ZFHX3: variants seen among roughly 807,000 people sequenced by gnomAD.
ZFHX3 encodes the protein zinc finger homeobox 3.
Under a neutral mutation model 279.1 loss-of-function variants are expected in ZFHX3, and 42 were observed. The observed-to-expected ratio is 0.15, with a 90% CI of 0.12 to 0.19. The LOEUF is 0.19. ZFHX3 is among the 10% of genes least tolerant of loss of function. The pLI is 1.00. For missense variants in ZFHX3, 4,981 were observed against 4,754.0 expected (o/e 1.05, Z -1.40); for synonymous variants, 2,293 against 1,957.8 (o/e 1.17, Z -4.52).
intron 4 of ZFHX3, among the ~76,000 whole-genome samples, chr16:73,279,220 C>G (rs1027422423): frequency 1.5e-4 from 23 of 152,024 alleles, no homozygotes; most frequent in African/African-American, 5.1e-4. Flanking sequence ...TGGTTTTTCC[C>G]TCCAAGGAGT....
chr16:73,290,512 G>A (rs1301023324), intron 4 of ZFHX3, among the ~76,000 whole-genome samples: 4 of 152,144 alleles, frequency 2.6e-5, no homozygotes, highest in Non-Finnish European at 5.9e-5. Flanking sequence ...AATGTTCCAA[G>A]CCTGAAGCCT....
At chr16:73,110,613 T>A (rs1198450259) in intron 7 of ZFHX3, among the ~76,000 whole-genome samples, 1 of 152,166 alleles carries the variant, frequency 6.6e-6, no homozygotes, top group Non-Finnish European at 1.5e-5. Context: ...CTGTCACCCA[T>A]GCTGAAGTAC....
intron 1 of ZFHX3, among the ~76,000 whole-genome samples, chr16:73,867,927 T>C (rs924109012): frequency 1.3e-5 from 2 of 152,136 alleles, no homozygotes; most frequent in Non-Finnish European, 2.9e-5. Context: ...GAGAACATGG[T>C]GAGTCTTTCA....
intron 7 of ZFHX3, among the ~76,000 whole-genome samples, chr16:73,117,149 T>G (rs1311558399): frequency 6.6e-6 from 1 of 152,230 alleles, no homozygotes; most frequent in East Asian, 1.9e-4. Context: ...TTTGATGGAT[T>G]GTTACTGGCT....
At chr16:73,181,795 C>T (rs894267286) in intron 5 of ZFHX3, among the ~76,000 whole-genome samples, 5 of 152,058 alleles carry the variant, frequency 3.3e-5, no homozygotes, top group South Asian at 2.1e-4. Flanking sequence ...TGTGGTTGGG[C>T]GTTCTGTGAA....
chr16:73,741,971 A>G (rs934461914), intron 1 of ZFHX3, among the ~76,000 whole-genome samples: 1 of 152,222 alleles, frequency 6.6e-6, no homozygotes, highest in Non-Finnish European at 1.5e-5. Context: ...TATTCACACC[A>G]TAAGAATAAA....
chr16:73,290,243 A>G (rs1378902751), intron 4 of ZFHX3, among the ~76,000 whole-genome samples: 2 of 152,104 alleles, frequency 1.3e-5, no homozygotes, highest in Non-Finnish European at 1.5e-5. Flanking sequence ...GACAGCCCCT[A>G]ACCAAACGAT....
At chr16:73,203,075 G>A (rs768813869) in intron 5 of ZFHX3, among the ~76,000 whole-genome samples, 1 of 151,558 alleles carries the variant, frequency 6.6e-6, no homozygotes, top group Non-Finnish European at 1.5e-5. Flanking sequence ...TAATTTAGGA[G>A]ACCCTCCCCC....
chr16:73,822,811 G>A (rs1374450692), intron 1 of ZFHX3, among the ~76,000 whole-genome samples: 1 of 152,218 alleles, frequency 6.6e-6, no homozygotes, highest in African/African-American at 2.4e-5. Context: ...GATACTGAGA[G>A]CAACAAGTCA....
intron 4 of ZFHX3, among the ~76,000 whole-genome samples, chr16:72,868,462 T>G (rs1218202253): frequency 3.3e-5 from 5 of 152,198 alleles, no homozygotes; most frequent in Admixed American, 3.3e-4. Flanking sequence ...TTACATAAGC[T>G]TTCCCTCACA....
At chr16:73,257,434 A>G (rs900308934) in intron 4 of ZFHX3, among the ~76,000 whole-genome samples, 1 of 152,226 alleles carries the variant, frequency 6.6e-6, no homozygotes, top group East Asian at 1.9e-4. Flanking sequence ...AGACCCCCTC[A>G]GACATGGGAT....
chr16:73,251,139 C>T (rs72797339), intron 5 of ZFHX3, among the ~76,000 whole-genome samples: 49,070 of 151,990 alleles, frequency 0.32, 10,064 homozygotes, highest in African/African-American at 0.59. Flanking sequence ...CTATTCTTAC[C>T]AGGAATAATG....
intron 1 of ZFHX3, among the ~76,000 whole-genome samples, chr16:73,695,027 C>G (rs1297355511): frequency 6.6e-6 from 1 of 152,216 alleles, no homozygotes; most frequent in African/African-American, 2.4e-5. Flanking sequence ...GTAACTTGCT[C>G]AGAGGCACAG....
At chr16:73,010,039 A>AAAAAAAAC (rs1963857840) in intron 1 of ZFHX3, among the ~76,000 whole-genome samples, 3 of 150,704 alleles carry the variant, frequency 2.0e-5, no homozygotes, top group Admixed American at 2.0e-4. Flanking sequence ...AAAAAAAAAA[A>AAAAAAAAC]AAAACTCATA....
chr16:73,737,714 T>C (rs1020810149), intron 1 of ZFHX3, among the ~76,000 whole-genome samples: 20 of 152,054 alleles, frequency 1.3e-4, no homozygotes, highest in African/African-American at 4.3e-4. Context: ...GCTGACATTA[T>C]ATAGTAAAGT....
chr16:72,831,534 G>C (rs753654699), intron 4 of ZFHX3, among the ~76,000 whole-genome samples: 1 of 152,162 alleles, frequency 6.6e-6, no homozygotes, highest in Non-Finnish European at 1.5e-5. Flanking sequence ...ATCAGATATA[G>C]AGCCCCACAT....
chr16:73,448,685 C>CATGT (rs1555517513), intron 3 of ZFHX3, among the ~76,000 whole-genome samples: 1 of 142,090 alleles, frequency 7.0e-6, no homozygotes, highest in African/African-American at 2.6e-5. Context: ...TATTTATATA[C>CATGT]GTGTGTGTGT....
chr16:72,935,942 G>C (rs1212982668), intron 3 of ZFHX3, among the ~76,000 whole-genome samples: 1 of 152,178 alleles, frequency 6.6e-6, no homozygotes. Flanking sequence ...AAGGCATTTT[G>C]ATGAGAGTGC....
chr16:73,582,667 A>G (rs1419689680), intron 2 of ZFHX3, among the ~76,000 whole-genome samples: 2 of 151,778 alleles, frequency 1.3e-5, no homozygotes, highest in African/African-American at 4.9e-5. Context: ...CAGAAGAGAC[A>G]GGGTTTCACA....
Sources: gnomAD v4.1 joint callset for allele counts (sites outside exome capture counted in the v4.1 genomes callset) on GRCh38, gnomAD v4.1.1 for gene constraint, MANE v1.5 for transcripts, NCBI Gene and HGNC (gene_info 2026-07-23, HGNC 2026-07-21) for gene names.